CDYL2: variants seen among roughly 807,000 people sequenced by gnomAD.
CDYL2 encodes chromodomain Y-like protein 2.
In CDYL2, 23 loss-of-function variants were observed where a neutral mutation model predicts 49.4. The ratio of observed to expected loss-of-function variants is 0.47; its 90% CI spans 0.34 to 0.66. The LOEUF (loss-of-function observed/expected upper bound fraction) is 0.66. Ranked by LOEUF, CDYL2 falls within the 30% of genes least tolerant of loss-of-function variation. The pLI is 0.01. For missense variants in CDYL2, 678 were observed against 656.4 expected, an observed-to-expected ratio of 1.03 and a Z score of -0.36; for synonymous variants, 360 against 268.8, an observed-to-expected ratio of 1.34 and a Z score of -3.32.
At chr16:80,734,389 T>A (rs758485291) in intron 1 of CDYL2, among the ~76,000 whole-genome samples, 2 of 152,150 alleles carry the variant, frequency 1.3e-5, no homozygotes, top group African/African-American at 2.4e-5. Flanking sequence ...GAGGTTGAGA[T>A]AGTTAAGACA....
chr16:80,678,589 A>G lies in CDYL2; in HGVS notation c.616+5949T>C, dbSNP rs973230031. 5.7e-3 allele frequency among the ~76,000 whole-genome samples: 863 copies of G among 151,002 alleles called. 9 individuals carry two copies. The highest frequency in any genetic ancestry group is 0.02 in the African/African-American group (825 of 41,152). On this transcript the variant is annotated intron_variant, in intron 2 of 6. Coordinates refer to ENST00000570137, the MANE Select transcript of CDYL2 (RefSeq NM_152342.4). ...ACCATCTCACACCAGTTAGAATGGC[A>G]ATCATTAAAAAGTCAGGAAACAACA...
At chr16:80,635,180 T>A (rs1356557952) in intron 2 of CDYL2, among the ~76,000 whole-genome samples, 1 of 152,122 alleles carries the variant, frequency 6.6e-6, no homozygotes, top group Non-Finnish European at 1.5e-5. Flanking sequence ...ATCCACCACA[T>A]CAATAGGCTA....
At chr16:80,617,207 G>A (rs889912473) in intron 4 of CDYL2, among the ~76,000 whole-genome samples, 2 of 152,196 alleles carry the variant, frequency 1.3e-5, no homozygotes, top group African/African-American at 2.4e-5. Context: ...TCCCAGTCAC[G>A]TGTATGCAAG....
intron 1 of CDYL2, among the ~76,000 whole-genome samples, chr16:80,721,827 G>C (rs1168041688): frequency 6.6e-6 from 1 of 152,036 alleles, no homozygotes; most frequent in Non-Finnish European, 1.5e-5. Context: ...CCTTCTCCTG[G>C]TGCCATGCAG....
At chr16:80,798,031 G>A (rs1907818004) in intron 1 of CDYL2, among the ~76,000 whole-genome samples, 1 of 151,754 alleles carries the variant, frequency 6.6e-6, no homozygotes, top group Non-Finnish European at 1.5e-5. Context: ...TGTTGTTGTT[G>A]TTTGTTTGTT....
intron 1 of CDYL2, among the ~76,000 whole-genome samples, chr16:80,735,304 G>C (rs867144548): frequency 9.9e-5 from 15 of 152,170 alleles, no homozygotes; most frequent in African/African-American, 3.6e-4. Context: ...GTTACAATGA[G>C]TCTTTACATA....
intron 2 of CDYL2, among the ~76,000 whole-genome samples, chr16:80,678,636 A>C (rs1262028030): frequency 2.0e-5 from 3 of 149,302 alleles, no homozygotes; most frequent in Non-Finnish European, 4.5e-5. Flanking sequence ...GGATGTGGAG[A>C]AATAGGAACA....
intron 1 of CDYL2, among the ~76,000 whole-genome samples, chr16:80,729,290 G>T (rs901546193): frequency 1.7e-4 from 25 of 151,412 alleles, no homozygotes; most frequent in Non-Finnish European, 3.0e-5. Context: ...AAAAAGGCAG[G>T]GGTTGCAATC....
At position 80,604,386 on chromosome 16, in the gene CDYL2, C is replaced by G; in HGVS notation, c.*2G>C. The G allele has an allele frequency of 6.2e-7, 1 of 1,613,974 alleles. No homozygotes were observed. Among genetic ancestry groups the G allele is most frequent in the Non-Finnish European group, 8.5e-7 (1 of 1,179,900 alleles). ...AGTTGGGGGCCCGTGAGCTGGGGCC[C>G]CTCAGACTTCATAAATTTTGTCCTG... On this transcript the variant is annotated 3_prime_UTR_variant, in exon 7 of 7. Transcript: ENST00000570137.
At chr16:80,749,484 C>T (rs1271898203) in intron 1 of CDYL2, among the ~76,000 whole-genome samples, 1 of 152,046 alleles carries the variant, frequency 6.6e-6, no homozygotes, top group Non-Finnish European at 1.5e-5. Context: ...CCTATTTAGT[C>T]TGTCCAGAAA....
intron 1 of CDYL2, among the ~76,000 whole-genome samples, chr16:80,753,527 G>T (rs924539535): frequency 2.6e-5 from 4 of 152,114 alleles, no homozygotes; most frequent in Non-Finnish European, 5.9e-5. Context: ...AGAATCACTT[G>T]AACTGGGGAG....
At chr16:80,686,514 A>G (rs1910201119) in intron 1 of CDYL2, among the ~76,000 whole-genome samples, 1 of 152,204 alleles carries the variant, frequency 6.6e-6, no homozygotes, top group Non-Finnish European at 1.5e-5. Flanking sequence ...TGAAACTTAC[A>G]AAAAGAAAAA....
intron 2 of CDYL2, among the ~76,000 whole-genome samples, chr16:80,633,700 G>C (rs1291415613): frequency 1.3e-5 from 2 of 150,900 alleles, no homozygotes; most frequent in South Asian, 2.1e-4. Context: ...ATGAGAACCA[G>C]AGATGGGGCT....
intron 2 of CDYL2, among the ~76,000 whole-genome samples, chr16:80,644,435 T>G (rs1407820224): frequency 6.6e-6 from 1 of 152,224 alleles, no homozygotes; most frequent in Admixed American, 6.5e-5. Flanking sequence ...TCCACATTTT[T>G]GGGTACCTTT....
intron 2 of CDYL2, among the ~76,000 whole-genome samples, chr16:80,653,677 T>C (rs1239712290): frequency 6.6e-6 from 1 of 152,212 alleles, no homozygotes; most frequent in Non-Finnish European, 1.5e-5. Flanking sequence ...TCCTCAAGCA[T>C]GTATTCTTTG....
At chr16:80,761,421 C>T (rs994147954) in intron 1 of CDYL2, among the ~76,000 whole-genome samples, 1 of 152,192 alleles carries the variant, frequency 6.6e-6, no homozygotes, top group African/African-American at 2.4e-5. Context: ...ACACCCAGAG[C>T]TTAGTAGAGA....
intron 2 of CDYL2, among the ~76,000 whole-genome samples, chr16:80,683,644 A>T (rs1241268182): frequency 1.3e-5 from 2 of 152,218 alleles, no homozygotes; most frequent in Non-Finnish European, 2.9e-5. Flanking sequence ...CAAATTTCAT[A>T]TGAAGAAACC....
chr16:80,748,579 G>T (rs143684922), intron 1 of CDYL2, among the ~76,000 whole-genome samples: 1 of 123,006 alleles, frequency 8.1e-6, no homozygotes, highest in Non-Finnish European at 1.6e-5. Flanking sequence ...TCAACACTCA[G>T]AGCCTTGGTT....
chr16:80,764,937 G>A (rs1000000312), intron 1 of CDYL2, among the ~76,000 whole-genome samples: 2 of 150,712 alleles, frequency 1.3e-5, no homozygotes, highest in South Asian at 2.1e-4. Flanking sequence ...GTTGGCGCCT[G>A]TAGTCCCAGC....
Sources: gnomAD v4.1 joint callset for allele counts (sites outside exome capture counted in the v4.1 genomes callset) on GRCh38, gnomAD v4.1.1 for gene constraint, MANE v1.5 for transcripts, NCBI Gene and HGNC (gene_info 2026-07-23, HGNC 2026-07-21) for gene names.